DMXL1: variants seen among roughly 807,000 people sequenced by gnomAD.
DMXL1 encodes dmX-like protein 1.
In DMXL1, 99 loss-of-function variants were observed where a neutral mutation model predicts 319.2. The ratio of observed to expected loss-of-function variants is 0.31; its 90% CI spans 0.26 to 0.37. The LOEUF (loss-of-function observed/expected upper bound fraction) is 0.37, where lower values mean the gene tolerates loss of function less well. Among genes scored for constraint, DMXL1 ranks in the 10% least tolerant of loss-of-function variants. The probability of loss-of-function intolerance (pLI) is 1.00; values close to 1 mark genes in which losing one functional copy is unlikely to be tolerated. For missense variants in DMXL1, 3,745 were observed against 3,595.6 expected, an observed-to-expected ratio of 1.04 and a Z score of -1.06; for synonymous variants, 1,385 against 1,235.2, an observed-to-expected ratio of 1.12 and a Z score of -2.54.
chr5:119,185,613 G>A (rs1777577550), intron 28 of DMXL1, among the ~76,000 whole-genome samples: 1 of 151,852 alleles, frequency 6.6e-6, no homozygotes, highest in South Asian at 2.1e-4. Flanking sequence ...GGTGATTCTT[G>A]TACCTCAGCT....
intron 14 of DMXL1, 112 bp downstream of exon 14, chr5:119,144,042 A>T: frequency 1.6e-6 from 1 of 643,880 alleles, no homozygotes; most frequent in South Asian, 2.3e-5. Flanking sequence ...TTACAGGTAG[A>T]TTCAGTAATT....
chr5:119,175,354 G>C lies in DMXL1; in HGVS notation c.6758+17G>C. Reference sequence around the variant, plus strand: ...TAACTACAGGTAACTATCTTTTTATGAAATTTAAGAATGCTTACAGTAAGC... The same window carrying C: ...TAACTACAGGTAACTATCTTTTTATCAAATTTAAGAATGCTTACAGTAAGC... On this transcript the variant is annotated intron_variant, in intron 26 of 43. Coordinates refer to ENST00000539542, the MANE Select transcript of DMXL1 (RefSeq NM_001290321.3). 1 of 1,564,918 alleles carries C rather than the reference G, an allele frequency of 6.4e-7. No individual in the cohort carries two copies. The highest frequency in any genetic ancestry group is 1.1e-5 in the South Asian group (1 of 89,334).
intron 28 of DMXL1, among the ~76,000 whole-genome samples, chr5:119,181,769 G>A (rs949033256): frequency 1.3e-5 from 2 of 152,110 alleles, no homozygotes; most frequent in East Asian, 1.9e-4. Context: ...CTGAGATTGC[G>A]CCACTGCACT....
rs1453460407 is a variant in DMXL1 at position 119,178,192 on chromosome 5, T to A, written c.7083T>A (p.Gly2361=). Residue 2361 remains glycine, a synonymous_variant, in exon 28 of 44, where the codon GGT becomes GGA. Coordinates refer to ENST00000539542, the MANE Select transcript of DMXL1 (RefSeq NM_001290321.3). ...AGAAAATGTGGTCTGCTGTGTTTGG[T>A]GGAGGTGCACATGTTCCTAGCAAAG... is the stretch of plus-strand genomic sequence containing the variant. The part of the protein sequence containing the change: ...LNEKMWSAVF[G]GGAHVPSKEQ... The A allele has an allele frequency of 6.2e-7, 1 of 1,613,952 alleles. No individual in the cohort carries two copies. The highest frequency in any genetic ancestry group is 8.5e-7 in the Non-Finnish European group (1 of 1,179,832).
rs118054938 is a variant in DMXL1 at position 119,221,812 on chromosome 5, T to C, written c.8277+731T>C. 4.0e-3 allele frequency among the ~76,000 whole-genome samples: 600 copies of C among 151,314 alleles called. 10 individuals carry two copies. Among genetic ancestry groups the C allele is most frequent in the South Asian group, 0.027 (127 of 4,792 alleles). ...TTTTTTTTTTAACAAAAACAATATA[T>C]AATTTCTTAAGTTAAGCAAAAAGCA... On this transcript the variant is annotated intron_variant, in intron 37 of 43. Coordinates refer to ENST00000539542, the MANE Select transcript of DMXL1 (RefSeq NM_001290321.3).
At chr5:119,125,021 C>T (rs922825536) in intron 9 of DMXL1, among the ~76,000 whole-genome samples, 3 of 152,120 alleles carry the variant, frequency 2.0e-5, no homozygotes, top group Non-Finnish European at 4.4e-5. Context: ...ATAAATTATA[C>T]TGTATGACCT....
At chr5:119,175,363 G>C in intron 26 of DMXL1, 26 bp downstream of exon 26, 1 of 1,530,256 alleles carries the variant, frequency 6.5e-7, no homozygotes, top group Non-Finnish European at 9.0e-7. Flanking sequence ...TGAAATTTAA[G>C]AATGCTTACA....
intron 38 of DMXL1, among the ~76,000 whole-genome samples, chr5:119,228,058 TA>T (rs1785926622): frequency 6.6e-6 from 1 of 152,206 alleles, no homozygotes; most frequent in African/African-American, 2.4e-5. Flanking sequence ...CCATAATTAT[TA>T]AAAAACCATA....
rs746504359 is a variant in DMXL1, at chr5:119,197,822, TCTC to T, written c.7613_7615del (p.Leu2538del). 2 of 1,614,186 alleles carry T rather than the reference TCTC, an allele frequency of 1.2e-6. No individual in the cohort carries two copies. Among genetic ancestry groups the T allele is most frequent in the African/African-American group, 2.7e-5 (2 of 75,048 alleles). ...CTCTTCAATGTTGGGAACAAGTTCT[TCTC>T]CGACGACTTGAAATCCATGGTGGGC... On this transcript the variant is annotated inframe_deletion, in exon 32 of 44. Transcript: ENST00000539542.
chr5:119,081,658 G>C, intron 1 of DMXL1: 1 of 985,362 alleles, frequency 1.0e-6, no homozygotes, highest in Non-Finnish European at 1.2e-6. Flanking sequence ...CAGAAACAAA[G>C]ATTGAAGACC....
chr5:119,101,984 T>A lies in DMXL1; in HGVS notation c.263T>A (p.Leu88Gln). The A allele has an allele frequency of 6.2e-7, 1 of 1,604,190 alleles. No homozygotes were observed. Among genetic ancestry groups the A allele is most frequent in the Non-Finnish European group, 8.5e-7 (1 of 1,175,224 alleles). The change falls in exon 3 of 44, where the codon CTA (leucine) becomes CAA (glutamine). Residue 88 changes from leucine to glutamine, a missense_variant. Around this residue, in one of 4 missense-constraint regions of DMXL1, gnomAD observed 2,096 missense variants for 1,985.4 expected, o/e 1.06. Transcript: ENST00000539542. ...NVISIFEPVN[L>Q]PKQKKNLELY... ...ATCTCCATTTTTGAACCAGTTAACC[T>A]ACCAAAACAAAAGAAAAATTTGGTC...
At chr5:119,130,203 ATTG>A (rs1432234141) in intron 10 of DMXL1, among the ~76,000 whole-genome samples, 2 of 152,168 alleles carry the variant, frequency 1.3e-5, no homozygotes, top group African/African-American at 4.8e-5. Flanking sequence ...AAGTTTCCAC[ATTG>A]TTAAGTTTGA....
intron 19 of DMXL1, among the ~76,000 whole-genome samples, chr5:119,157,731 A>G (rs182697414): frequency 3.7e-4 from 56 of 152,236 alleles, no homozygotes; most frequent in African/African-American, 1.3e-3. Flanking sequence ...GCTTTGTAAT[A>G]TAGTTTGAAA....
At chr5:119,198,186 A>G (rs1016457860) in intron 32 of DMXL1, among the ~76,000 whole-genome samples, 2 of 151,942 alleles carry the variant, frequency 1.3e-5, no homozygotes, top group African/African-American at 4.8e-5. Flanking sequence ...ATGGGGTTTC[A>G]CCATGTTGGC....
intron 1 of DMXL1, among the ~76,000 whole-genome samples, chr5:119,084,241 C>T (rs1363103942): frequency 2.0e-5 from 3 of 152,056 alleles, no homozygotes; most frequent in Admixed American, 6.5e-5. Flanking sequence ...CTGCCTCAAC[C>T]TCCAGGTAGC....
At chr5:119,213,232 C>T (rs1783107693) in intron 34 of DMXL1, among the ~76,000 whole-genome samples, 1 of 152,134 alleles carries the variant, frequency 6.6e-6, no homozygotes, top group African/African-American at 2.4e-5. Flanking sequence ...ATTTTGCTGT[C>T]AAAATAAGTG....
intron 43 of DMXL1, among the ~76,000 whole-genome samples, chr5:119,245,427 T>C (rs1467514518): frequency 6.6e-6 from 1 of 152,236 alleles, no homozygotes; most frequent in Non-Finnish European, 1.5e-5. Flanking sequence ...TTTAAAAGCC[T>C]TTTTCTTAAA....
In DMXL1 at chr5:119,177,859, T is replaced by C. The variant is rs1581173750; in HGVS notation, c.6887-137T>C. ...GCTTAACTATAATAACCGCTACTAGTCTGTGAATCTAGGGAAGAAAATACA... is the reference window on the plus strand; with the variant it reads ...GCTTAACTATAATAACCGCTACTAGCCTGTGAATCTAGGGAAGAAAATACA... On this transcript the variant is annotated intron_variant, in intron 27 of 43. Transcript: ENST00000539542. 2.2e-5 allele frequency: 16 copies of C among 713,390 alleles called. No homozygotes were observed. The East Asian group carries it at 4.7e-4, about 21-fold the overall frequency. 44.2% of individuals were successfully genotyped at this position (713,390 alleles called of 1,614,324 possible).
intron 34 of DMXL1, among the ~76,000 whole-genome samples, chr5:119,214,747 T>C (rs1783389418): frequency 6.6e-6 from 1 of 152,192 alleles, no homozygotes; most frequent in Non-Finnish European, 1.5e-5. Context: ...AAACAATGTT[T>C]TTAGTAAATA....
Sources: gnomAD v4.1 joint callset for allele counts (sites outside exome capture counted in the v4.1 genomes callset) on GRCh38, gnomAD v4.1.1 for gene constraint, gnomAD v4.1.1 regional missense constraint, MANE v1.5 for transcripts, NCBI Gene and HGNC (gene_info 2026-07-23, HGNC 2026-07-21) for gene names.